Variants in ANOS1 observed in about 807,000 individuals in gnomAD.
ANOS1 encodes anosmin 1, also known as anosmin-1.
ANOS1 carries 6 observed loss-of-function variants against 59.0 expected under a neutral mutation model. The ratio of observed to expected loss-of-function variants is 0.10; its 90% CI spans 0.06 to 0.20. The LOEUF (loss-of-function observed/expected upper bound fraction) is 0.20, where lower values mean the gene tolerates loss of function less well. ANOS1 is among the 10% of genes least tolerant of loss of function. The pLI is 1.00. For synonymous variants in ANOS1, 217 were observed against 223.4 expected (o/e 0.97, Z 0.25); for missense variants, 433 against 542.3 (o/e 0.80, Z 2.00).
At chrX:8,573,920 C>T (rs1253604089) in intron 6 of ANOS1, among the ~76,000 whole-genome samples, 1 of 111,896 alleles carries the variant, frequency 8.9e-6, no homozygotes, top group Non-Finnish European at 1.9e-5. Flanking sequence ...ACTTCCAATG[C>T]CCTGGGCCAA....
chrX:8,612,551 G>GTT (rs60402454), intron 3 of ANOS1, among the ~76,000 whole-genome samples: 5,612 of 60,752 alleles, frequency 0.092, 586 homozygotes, highest in African/African-American at 0.29. Context: ...AAAACAAGAA[G>GTT]TTTTTTTTTT....
At chrX:8,568,559 T>G (rs1232407570) in intron 7 of ANOS1, among the ~76,000 whole-genome samples, 183 bp from the exon 8 acceptor site, 1 of 110,802 alleles carries the variant, frequency 9.0e-6, no homozygotes. Context: ...TCAGGCCAGG[T>G]GCGGTGGCTC....
intron 1 of ANOS1, among the ~76,000 whole-genome samples, chrX:8,727,209 CCAA>C (rs2146915707): frequency 9.0e-6 from 1 of 111,471 alleles, no homozygotes; most frequent in East Asian, 2.9e-4. Flanking sequence ...CAGCTCAGAA[CCAA>C]TCCTGACTCC....
At chrX:8,546,243 G>A (rs1244538088) in intron 9 of ANOS1, among the ~76,000 whole-genome samples, 4 of 112,024 alleles carry the variant, frequency 3.6e-5, no homozygotes, top group Non-Finnish European at 7.5e-5. Flanking sequence ...AGATCATGTG[G>A]TGAGTACATA....
chrX:8,664,497 AT>A (rs1162522111), intron 2 of ANOS1, among the ~76,000 whole-genome samples: 10 of 104,736 alleles, frequency 9.5e-5, no homozygotes, highest in South Asian at 4.2e-4. Flanking sequence ...CCGGCCAGGG[AT>A]TTTTTTTTTT....
intron 4 of ANOS1, among the ~76,000 whole-genome samples, chrX:8,592,578 G>A (rs944281262): frequency 9.0e-6 from 1 of 111,081 alleles, no homozygotes; most frequent in Admixed American, 9.7e-5. Context: ...AGTGGGATTT[G>A]GCAACAAAAT....
At position 8,617,467 on chromosome X, in the gene ANOS1, C is replaced by T. The variant is rs191871591; in HGVS notation, c.318+6141G>A. 7.2e-5 allele frequency among the ~76,000 whole-genome samples: 8 copies of T among 111,793 alleles called. No individual in the cohort carries two copies. In the East Asian group the frequency reaches 2.3e-3, roughly 32 times the overall value. On this transcript the variant is annotated intron_variant, in intron 3 of 13. Coordinates refer to ENST00000262648, the MANE Select transcript of ANOS1 (RefSeq NM_000216.4). ...GGGCAAGGAGCCCTGTCTTCCTTCTCTCCTTGAGGTGCCATTAATTAACTA... is the reference window on the plus strand; with the variant it reads ...GGGCAAGGAGCCCTGTCTTCCTTCTTTCCTTGAGGTGCCATTAATTAACTA...
chrX:8,623,946 C>T (rs1372901227), intron 2 of ANOS1, among the ~76,000 whole-genome samples: 1 of 110,004 alleles, frequency 9.1e-6, no homozygotes, highest in Admixed American at 9.7e-5. Context: ...TGATCGTCAC[C>T]ATCAGCTGGA....
At chrX:8,669,766 G>C (rs1345903450) in intron 2 of ANOS1, among the ~76,000 whole-genome samples, 4 of 111,989 alleles carry the variant, frequency 3.6e-5, no homozygotes, top group Admixed American at 9.5e-5. Context: ...TACAAAGGCT[G>C]TGTTGAGATT....
At chrX:8,654,629 G>A (rs766876805) in intron 2 of ANOS1, among the ~76,000 whole-genome samples, 12 of 112,108 alleles carry the variant, frequency 1.1e-4, no homozygotes, top group Admixed American at 1.9e-4. Flanking sequence ...AGTTCATGAA[G>A]AGCCCACCCT....
chrX:8,729,359 T>A (rs1169446869), intron 1 of ANOS1, among the ~76,000 whole-genome samples: 1 of 106,544 alleles, frequency 9.4e-6, no homozygotes, highest in Non-Finnish European at 1.9e-5. Context: ...CAGTCATGAG[T>A]TGTCTGCAGA....
At chrX:8,663,762 C>T (rs183556236) in intron 2 of ANOS1, among the ~76,000 whole-genome samples, 1 of 111,977 alleles carries the variant, frequency 8.9e-6, no homozygotes, top group East Asian at 2.8e-4. Context: ...AACCACTAAT[C>T]CCAGGATCCA....
At chrX:8,622,937 T>C (rs1320025994) in intron 3 of ANOS1, among the ~76,000 whole-genome samples, 1 of 111,552 alleles carries the variant, frequency 9.0e-6, no homozygotes, top group Non-Finnish European at 1.9e-5. Context: ...GATGGCTGGA[T>C]GGATGAATGG....
chrX:8,656,190 C>T (rs749699264), intron 2 of ANOS1, among the ~76,000 whole-genome samples: 6 of 112,587 alleles, frequency 5.3e-5, no homozygotes, highest in East Asian at 2.8e-4. Flanking sequence ...TCTGCATTCC[C>T]GCAAATGTGT....
intron 4 of ANOS1, among the ~76,000 whole-genome samples, chrX:8,594,740 A>G (rs1242385371): frequency 4.9e-5 from 4 of 81,626 alleles, no homozygotes; most frequent in African/African-American, 9.5e-5. Context: ...ATATATGTGT[A>G]TATATATATA....
intron 9 of ANOS1, among the ~76,000 whole-genome samples, chrX:8,541,447 A>AAAC (rs1463521217): frequency 2.6e-5 from 2 of 77,511 alleles, no homozygotes; most frequent in Non-Finnish European, 5.6e-5. Flanking sequence ...AAAATAAAAC[A>AAAC]AAAAAAAAAC....
intron 10 of ANOS1, among the ~76,000 whole-genome samples, chrX:8,538,164 T>G (rs1448736996): frequency 1.8e-5 from 2 of 111,653 alleles, no homozygotes; most frequent in Non-Finnish European, 3.8e-5. Flanking sequence ...CCACCATGTT[T>G]CTTTGGGAGT....
At chrX:8,649,144 A>G (rs1250751409) in intron 2 of ANOS1, among the ~76,000 whole-genome samples, 1 of 111,786 alleles carries the variant, frequency 8.9e-6, no homozygotes, top group Non-Finnish European at 1.9e-5. Context: ...TAGTGCCCAG[A>G]GTATTCACAA....
intron 3 of ANOS1, among the ~76,000 whole-genome samples, chrX:8,608,478 C>T (rs769405264): frequency 9.0e-6 from 1 of 111,424 alleles, no homozygotes; most frequent in South Asian, 3.8e-4. Flanking sequence ...AAACTCATCA[C>T]ATCCATCCAA....
Sources: allele counts gnomAD v4.1 joint callset (sites outside exome capture counted in the v4.1 genomes callset), GRCh38; gene constraint gnomAD v4.1.1; transcripts MANE v1.5; gene names NCBI Gene and HGNC (gene_info 2026-07-23, HGNC 2026-07-21).